Variants in PDK1 observed in about 807,000 individuals in gnomAD.
The protein encoded by PDK1 is pyruvate dehydrogenase kinase 1.
In PDK1, 39 loss-of-function variants were observed where a neutral mutation model predicts 54.2. The observed-to-expected ratio is 0.72, with a 90% CI of 0.56 to 0.94. The LOEUF is 0.94. PDK1 is among the 40% of genes least tolerant of loss of function. The pLI is 0.00. For synonymous variants in PDK1, 221 were observed against 207.1 expected (o/e 1.07, Z -0.58); for missense variants, 552 against 566.0 (o/e 0.98, Z 0.25).
At chr2:172,593,380 G>A (rs1343036031) in intron 10 of PDK1, among the ~76,000 whole-genome samples, 1 of 152,116 alleles carries the variant, frequency 6.6e-6, no homozygotes, top group Non-Finnish European at 1.5e-5. Flanking sequence ...GTACTGCCAA[G>A]GCTTTTTTTT....
the PDK1 span, among the ~76,000 whole-genome samples, chr2:172,652,731 G>A: frequency 1.3e-5 from 2 of 152,140 alleles, no homozygotes; most frequent in Admixed American, 1.3e-4. Context: ...TTGCTTCAAA[G>A]AGAATAAAAT....
chr2:172,667,221 G>A, the PDK1 span, among the ~76,000 whole-genome samples: 1 of 152,186 alleles, frequency 6.6e-6, no homozygotes, highest in East Asian at 1.9e-4. Flanking sequence ...AAGTAGGACT[G>A]GGGTGGTCAG....
In PDK1 at chr2:172,570,922, TC is replaced by T. The variant is rs1689217384; in HGVS notation, c.945+99del. 3 of 675,400 alleles carry T rather than the reference TC, an allele frequency of 4.4e-6. No individual in the cohort carries two copies. In the East Asian group the frequency reaches 8.1e-5, roughly 18 times the overall value. The allele number at this position is 675,400 out of a possible 1,614,324, so 41.8% of individuals were successfully genotyped here. On this transcript the variant is annotated intron_variant, in intron 8 of 10. Coordinates refer to ENST00000282077, the MANE Select transcript of PDK1 (RefSeq NM_002610.5). Reference sequence around the variant, plus strand: ...TACGCATAATTTCTAAAAGACATAATCTACTCTCAGGGGAAAAGAATCTTGT... The same window carrying T: ...TACGCATAATTTCTAAAAGACATAATTACTCTCAGGGGAAAAGAATCTTGT...
At chr2:172,681,375 G>T in the PDK1 span, among the ~76,000 whole-genome samples, 5 of 152,228 alleles carry the variant, frequency 3.3e-5, no homozygotes, top group Admixed American at 6.5e-5. Context: ...AGTGGGGATA[G>T]ACTTGTGCCA....
chr2:172,586,932 A>T (rs1174096763), intron 9 of PDK1, among the ~76,000 whole-genome samples: 2 of 152,170 alleles, frequency 1.3e-5, no homozygotes, highest in Non-Finnish European at 2.9e-5. Context: ...AATTGACTCC[A>T]TCCTTATCTT....
chr2:172,565,222 C>T (rs1245482556), intron 5 of PDK1, 149 bp downstream of exon 5: 5 of 605,872 alleles, frequency 8.3e-6, no homozygotes, highest in Non-Finnish European at 1.5e-5. Flanking sequence ...ATTATTTGTG[C>T]ATTATGTATA....
chr2:172,587,337 T>G (rs1423854113), intron 9 of PDK1, among the ~76,000 whole-genome samples: 1 of 152,186 alleles, frequency 6.6e-6, no homozygotes, highest in Non-Finnish European at 1.5e-5. Flanking sequence ...CGGAGAGTGT[T>G]ACAGCTCATA....
intron 8 of PDK1, among the ~76,000 whole-genome samples, chr2:172,576,667 T>G (rs768696953): frequency 2.8e-4 from 42 of 152,170 alleles, no homozygotes; most frequent in Admixed American, 2.0e-4. Flanking sequence ...TTTAATGTTT[T>G]GTTTTCATTT....
chr2:172,666,449 C>T, the PDK1 span, among the ~76,000 whole-genome samples: 9 of 152,268 alleles, frequency 5.9e-5, no homozygotes, highest in South Asian at 4.2e-4. Flanking sequence ...GGAGCAATGG[C>T]GAGAGCACAC....
chr2:172,559,837 C>A (rs1364981092), intron 2 of PDK1, among the ~76,000 whole-genome samples: 1 of 152,102 alleles, frequency 6.6e-6, no homozygotes, highest in Non-Finnish European at 1.5e-5. Flanking sequence ...GCATGAGCCA[C>A]CACTCCTGGC....
chr2:172,586,651 A>G (rs919635660), intron 9 of PDK1, among the ~76,000 whole-genome samples: 4 of 152,180 alleles, frequency 2.6e-5, no homozygotes, highest in African/African-American at 9.7e-5. Context: ...GTGTAAAACC[A>G]CATTTTGAAA....
At chr2:172,594,037 CT>C (rs35036603) in intron 10 of PDK1, among the ~76,000 whole-genome samples, 3,147 of 134,704 alleles carry the variant, frequency 0.023, 60 homozygotes, top group African/African-American at 0.059. Flanking sequence ...CAATGTTTTT[CT>C]TTTTTTTTTT....
chr2:172,661,804 G>A, the PDK1 span, among the ~76,000 whole-genome samples: 2,608 of 152,248 alleles, frequency 0.017, 75 homozygotes, highest in African/African-American at 0.059. Context: ...ACTATGAGAA[G>A]GGAGAGAGAG....
intron 8 of PDK1, among the ~76,000 whole-genome samples, chr2:172,575,548 C>T (rs537500394): frequency 1.4e-4 from 22 of 152,174 alleles, no homozygotes; most frequent in African/African-American, 4.3e-4. Flanking sequence ...AGGCCAGGCA[C>T]GGTGGCTTAA....
chr2:172,701,142 A>G, the PDK1 span, among the ~76,000 whole-genome samples: 2 of 152,124 alleles, frequency 1.3e-5, no homozygotes, highest in Admixed American at 6.5e-5. Context: ...GCTTATGACA[A>G]CAACAACAAC....
Position 172,599,923 on chromosome 2 carries a change from T to C in PDK1, c.*3954T>C, listed in dbSNP as rs192221227. ...TTACTTTGTTAAATTAGCAATTATT[T>C]AGCAAAAATACAGAGTTTCACCCCA... On this transcript the variant is annotated 3_prime_UTR_variant, in exon 11 of 11. Transcript: ENST00000282077. 6.2e-4 allele frequency: 94 copies of C among 152,324 alleles called. No individual in the cohort carries two copies. Among genetic ancestry groups the C allele is most frequent in the African/African-American group, 2.2e-3 (90 of 41,574 alleles). The allele number at this position is 152,324 out of a possible 1,614,324, so 9.4% of individuals were successfully genotyped here.
chr2:172,612,000 A>G (rs1691478169), downstream of PDK1, among the ~76,000 whole-genome samples: 1 of 152,272 alleles, frequency 6.6e-6, no homozygotes, highest in Non-Finnish European at 1.5e-5. Flanking sequence ...ATACATGGCT[A>G]GAAATGGAAT....
At position 172,603,097 on chromosome 2, in the gene PDK1, A is replaced by G. The variant is rs1265715961; in HGVS notation, c.*7128A>G. 6.6e-6 allele frequency: 1 copy of G among 152,174 alleles called. No homozygotes were observed. Among genetic ancestry groups the G allele is most frequent in the African/African-American group, 2.4e-5 (1 of 41,428 alleles). 9.4% of individuals were successfully genotyped at this position (152,174 alleles called of 1,614,324 possible). On this transcript the variant is annotated 3_prime_UTR_variant, in exon 11 of 11. Transcript: ENST00000282077. ...TCTGGAGTGGGGCCTGAGATTCTGC[A>G]TTTCTAACAAGTTTCCTGGTGATAT... is the stretch of plus-strand genomic sequence containing the variant.
intron 7 of PDK1, among the ~76,000 whole-genome samples, chr2:172,570,149 C>T (rs563000873): frequency 1.2e-4 from 19 of 152,268 alleles, no homozygotes; most frequent in African/African-American, 4.6e-4. Context: ...TTTTCTACTG[C>T]AATGCTGAAT....
Sources: allele counts gnomAD v4.1 joint callset (sites outside exome capture counted in the v4.1 genomes callset), GRCh38; gene constraint gnomAD v4.1.1; transcripts MANE v1.5; gene names NCBI Gene and HGNC (gene_info 2026-07-23, HGNC 2026-07-21).